The following ZNF782 variants were observed in gnomAD, a reference collection of about 807,000 sequenced individuals.
ZNF782 encodes zinc finger protein 782.
Under a neutral mutation model 13.0 loss-of-function variants are expected in ZNF782, and 12 were observed. The observed-to-expected ratio is 0.92, with a 90% CI of 0.59 to 1.50. The LOEUF is 1.50. Ranked by LOEUF, ZNF782 falls within the 40% of genes most tolerant of loss-of-function variation. The pLI, the probability that ZNF782 is intolerant of heterozygous loss-of-function variation, is 0.00. For missense variants in ZNF782, 770 were observed against 822.9 expected (o/e 0.94, Z 0.79); for synonymous variants, 284 against 283.0 (o/e 1.00, Z -0.04).
chr9:96,912,271 C>T, the ZNF782 span, among the ~76,000 whole-genome samples: 1 of 145,146 alleles, frequency 6.9e-6, no homozygotes, highest in Admixed American at 6.8e-5. Context: ...TAATCTCAGG[C>T]CTTTTTTTTT....
the ZNF782 span, chr9:96,893,868 C>T: frequency 1.4e-5 from 2 of 143,708 alleles, no homozygotes; most frequent in Admixed American, 6.7e-5. Context: ...GGAGCGGTGG[C>T]GGGCGCCTGT....
chr9:96,910,277 G>C, the ZNF782 span: 2 of 578,406 alleles, frequency 3.5e-6, no homozygotes, highest in African/African-American at 3.9e-5. Context: ...GGAGGAAAAA[G>C]AAGGTGATGG....
At chr9:96,829,052 A>C (rs1391045600) in intron 4 of ZNF782, among the ~76,000 whole-genome samples, 1 of 151,676 alleles carries the variant, frequency 6.6e-6, no homozygotes, top group Non-Finnish European at 1.5e-5. Context: ...ATCAACTTAA[A>C]ATTTTATACT....
chr9:96,913,597 C>T, the ZNF782 span, among the ~76,000 whole-genome samples: 11 of 150,256 alleles, frequency 7.3e-5, no homozygotes, highest in Admixed American at 4.0e-4. Flanking sequence ...GTTCTTGGCT[C>T]GCTGCAACCT....
chr9:96,867,895 C>G (rs531772440), intron 1 of ZNF782, among the ~76,000 whole-genome samples: 2 of 152,244 alleles, frequency 1.3e-5, no homozygotes, highest in South Asian at 2.1e-4. Flanking sequence ...AACTGCATAG[C>G]CTTCATTTGT....
chr9:96,932,981 T>C, the ZNF782 span, among the ~76,000 whole-genome samples: 11 of 146,692 alleles, frequency 7.5e-5, no homozygotes, highest in South Asian at 1.1e-3. Context: ...TTCTTTTCTT[T>C]TTTTTTTTTT....
intron 1 of ZNF782, among the ~76,000 whole-genome samples, chr9:96,871,851 TTA>T (rs1851832777): frequency 6.6e-6 from 1 of 152,256 alleles, no homozygotes; most frequent in Non-Finnish European, 1.5e-5. Context: ...TGTTGTATTT[TTA>T]TAAAGTGCCC....
At chr9:96,845,514 C>A (rs1851319641) in intron 3 of ZNF782, among the ~76,000 whole-genome samples, 1 of 152,206 alleles carries the variant, frequency 6.6e-6, no homozygotes, top group South Asian at 2.1e-4. Context: ...ACCTTGGCCT[C>A]CCAAAGTGCT....
chr9:96,818,937 C>T lies in ZNF782; in HGVS notation c.1086G>A (p.Arg362=), dbSNP rs1404510490. Residue 362 remains arginine, a synonymous_variant, in exon 6 of 6, where the codon AGG becomes AGA. Coordinates refer to ENST00000481138, the MANE Select transcript of ZNF782 (RefSeq NM_001001662.3). ...ATTCATTATACTCATAGGGTTTTGCCCTTATGTGAACCTTCTGATGTACAC... is the reference window on the plus strand; with the variant it reads ...ATTCATTATACTCATAGGGTTTTGCTCTTATGTGAACCTTCTGATGTACAC... ...TFSVHQKVHI[R]AKPYEYNECG... is the part of the protein sequence containing the mutation. 6.2e-7 allele frequency: 1 copy of T among 1,614,108 alleles called. No homozygotes were observed.
chr9:96,929,165 A>G, the ZNF782 span: 42 of 1,486,284 alleles, frequency 2.8e-5, no homozygotes, highest in Admixed American at 3.4e-5. Context: ...GATGTCCCCA[A>G]GGACATCACA....
the ZNF782 span, among the ~76,000 whole-genome samples, chr9:96,926,617 T>C: frequency 6.6e-6 from 1 of 151,490 alleles, no homozygotes. Context: ...GCTGGACCAT[T>C]CAGTTTTAGA....
At chr9:96,838,081 G>A (rs552522564) in intron 4 of ZNF782, among the ~76,000 whole-genome samples, 2 of 152,220 alleles carry the variant, frequency 1.3e-5, no homozygotes, top group South Asian at 2.1e-4. Flanking sequence ...TGCTTTAGCT[G>A]CATTTCACAA....
intron 1 of ZNF782, among the ~76,000 whole-genome samples, chr9:96,866,459 CAGA>C (rs1456180871): frequency 6.6e-6 from 1 of 152,188 alleles, no homozygotes; most frequent in Admixed American, 6.5e-5. Context: ...ACCTAGATTT[CAGA>C]AGATGTATGG....
chr9:96,847,326 A>G (rs1019683400), intron 3 of ZNF782, among the ~76,000 whole-genome samples: 1 of 152,152 alleles, frequency 6.6e-6, no homozygotes, highest in African/African-American at 2.4e-5. Context: ...ATAAAGATCA[A>G]AGTAGAACTA....
the ZNF782 span, among the ~76,000 whole-genome samples, chr9:96,903,730 T>C: frequency 0.02 from 3,045 of 151,268 alleles, 174 homozygotes; most frequent in East Asian, 0.24. Flanking sequence ...ACCCGGCTAA[T>C]TTTTTGTATT....
chr9:96,844,085 A>C (rs1271977383), intron 4 of ZNF782, among the ~76,000 whole-genome samples: 1 of 152,170 alleles, frequency 6.6e-6, no homozygotes, highest in Non-Finnish European at 1.5e-5. Flanking sequence ...AAAACAGCAA[A>C]ATTTTCCAAA....
At chr9:96,925,628 C>CAAAA in the ZNF782 span, among the ~76,000 whole-genome samples, 4 of 85,564 alleles carry the variant, frequency 4.7e-5, no homozygotes, top group African/African-American at 1.5e-4. Flanking sequence ...GACTCTATCT[C>CAAAA]AAAAAAAAAA....
Position 96,821,943 on chromosome 9 carries a change from C to T in ZNF782, c.245-2165G>A, listed in dbSNP as rs574847447. Among the ~76,000 whole-genome samples, 12 of 152,324 alleles carry T rather than the reference C, an allele frequency of 7.9e-5. No homozygotes were observed. In the East Asian group the frequency reaches 1.5e-3, roughly 20 times the overall value. On this transcript the variant is annotated intron_variant, in intron 5 of 5. Coordinates refer to ENST00000481138, the MANE Select transcript of ZNF782 (RefSeq NM_001001662.3). ...CCTTCCAAAGTGCTGGGATTACAGGCGTAAGCCACCGCGCCTGGCCAATAG... is the reference window on the plus strand; with the variant it reads ...CCTTCCAAAGTGCTGGGATTACAGGTGTAAGCCACCGCGCCTGGCCAATAG...
chr9:96,916,693 C>T, the ZNF782 span, among the ~76,000 whole-genome samples: 10 of 151,892 alleles, frequency 6.6e-5, 1 homozygote, highest in African/African-American at 2.4e-4. Flanking sequence ...CTCCCCAGCC[C>T]GAGGCCTTTG....
Sources: allele counts gnomAD v4.1 joint callset (sites outside exome capture counted in the v4.1 genomes callset), GRCh38; gene constraint gnomAD v4.1.1; transcripts MANE v1.5; gene names NCBI Gene and HGNC (gene_info 2026-07-23, HGNC 2026-07-21).